The following PACRG variants were observed in gnomAD, a reference collection of about 807,000 sequenced individuals.
PACRG encodes the protein parkin coregulated.
PACRG carries 29 observed loss-of-function variants against 29.7 expected under a neutral mutation model. The ratio of observed to expected loss-of-function variants is 0.98; its 90% CI spans 0.73 to 1.33. The LOEUF (loss-of-function observed/expected upper bound fraction) is 1.33, where lower values mean the gene tolerates loss of function less well. Among genes scored for constraint, PACRG ranks in the 40% most tolerant of loss-of-function variants. PACRG has a pLI of 0.00. For synonymous variants in PACRG, 116 were observed against 118.7 expected, an observed-to-expected ratio of 0.98 and a Z score of 0.15; for missense variants, 279 against 316.2, an observed-to-expected ratio of 0.88 and a Z score of 0.89.
chr6:163,305,089 G>A (rs1338536522), intron 4 of PACRG, among the ~76,000 whole-genome samples: 1 of 152,234 alleles, frequency 6.6e-6, no homozygotes, highest in African/African-American at 2.4e-5. Context: ...CATCTTCCGA[G>A]CCCACACTCG....
chr6:163,284,296 A>G (rs911782844), intron 4 of PACRG, among the ~76,000 whole-genome samples: 2 of 152,196 alleles, frequency 1.3e-5, no homozygotes, highest in African/African-American at 4.8e-5. Context: ...GGGCCAGGCC[A>G]GCAGCTGCTG....
chr6:162,772,993 A>G (rs1415291708), intron 1 of PACRG, among the ~76,000 whole-genome samples: 5 of 151,518 alleles, frequency 3.3e-5, no homozygotes, highest in Non-Finnish European at 7.4e-5. Flanking sequence ...TATAGAGACT[A>G]TTGGTTTCTA....
chr6:163,183,795 C>T (rs1425737923), intron 4 of PACRG, among the ~76,000 whole-genome samples: 1 of 152,156 alleles, frequency 6.6e-6, no homozygotes, highest in Admixed American at 6.5e-5. Context: ...TAGGAAAACG[C>T]AGGCCAATGA....
intron 4 of PACRG, among the ~76,000 whole-genome samples, chr6:163,116,326 C>G (rs893886912): frequency 5.3e-5 from 8 of 152,158 alleles, no homozygotes; most frequent in Non-Finnish European, 7.3e-5. Context: ...CATACACTAT[C>G]GTGAGGACAG....
intron 4 of PACRG, among the ~76,000 whole-genome samples, chr6:163,195,558 C>G (rs933783246): frequency 1.3e-5 from 2 of 152,172 alleles, no homozygotes; most frequent in Admixed American, 6.5e-5. Flanking sequence ...AAATCGTTCC[C>G]CCGCTTCCCA....
intron 2 of PACRG, among the ~76,000 whole-genome samples, chr6:162,814,932 C>T (rs1370752790): frequency 6.6e-6 from 1 of 152,146 alleles, no homozygotes; most frequent in African/African-American, 2.4e-5. Context: ...TGGTTGTGTT[C>T]CTTTGTAAAA....
At chr6:163,177,070 G>C (rs894872986) in intron 4 of PACRG, among the ~76,000 whole-genome samples, 3 of 152,216 alleles carry the variant, frequency 2.0e-5, no homozygotes, top group African/African-American at 7.2e-5. Context: ...CAAAGAGCAA[G>C]AGGCAGAACT....
chr6:163,287,365 G>A (rs906797507), intron 4 of PACRG, among the ~76,000 whole-genome samples: 14 of 152,194 alleles, frequency 9.2e-5, no homozygotes, highest in Non-Finnish European at 4.4e-5. Flanking sequence ...TCACCAGGAA[G>A]AGCCAGTTTC....
At chr6:162,976,226 T>A (rs1255540957) in intron 2 of PACRG, among the ~76,000 whole-genome samples, 1 of 152,186 alleles carries the variant, frequency 6.6e-6, no homozygotes, top group Non-Finnish European at 1.5e-5. Flanking sequence ...AAACTTAAAT[T>A]GTAAGTTTGA....
intron 2 of PACRG, among the ~76,000 whole-genome samples, chr6:163,017,137 A>C (rs1272662974): frequency 6.6e-6 from 1 of 152,144 alleles, no homozygotes; most frequent in Non-Finnish European, 1.5e-5. Flanking sequence ...ACTTGAATAA[A>C]CTGTAAAATA....
At chr6:163,149,623 C>G (rs1777989834) in intron 4 of PACRG, among the ~76,000 whole-genome samples, 1 of 152,100 alleles carries the variant, frequency 6.6e-6, no homozygotes, top group Non-Finnish European at 1.5e-5. Flanking sequence ...TCTCCTCCCT[C>G]CCCCGGGCTG....
chr6:163,039,123 G>A (rs1167832567), intron 2 of PACRG, among the ~76,000 whole-genome samples: 1 of 152,158 alleles, frequency 6.6e-6, no homozygotes, highest in African/African-American at 2.4e-5. Context: ...TAGAGAAGGA[G>A]TTCTCACGAG....
At chr6:162,748,557 A>G (rs749480486) in intron 1 of PACRG, among the ~76,000 whole-genome samples, 7 of 152,182 alleles carry the variant, frequency 4.6e-5, no homozygotes, top group Admixed American at 6.5e-5. Flanking sequence ...GAAAATCCAT[A>G]TCATCAATTT....
chr6:163,273,481 T>G (rs1013813315), intron 4 of PACRG, among the ~76,000 whole-genome samples: 1 of 152,220 alleles, frequency 6.6e-6, no homozygotes, highest in African/African-American at 2.4e-5. Flanking sequence ...AATAGCTTTT[T>G]GATAACCTTC....
intron 4 of PACRG, among the ~76,000 whole-genome samples, chr6:163,143,992 T>C (rs1230557353): frequency 6.6e-6 from 1 of 152,110 alleles, no homozygotes; most frequent in Admixed American, 6.5e-5. Context: ...CCTAGCACTT[T>C]GGGAGGCCGA....
chr6:163,005,001 T>G (rs112102027), intron 2 of PACRG, among the ~76,000 whole-genome samples: 1,969 of 152,070 alleles, frequency 0.013, 40 homozygotes, highest in African/African-American at 0.044. Context: ...TATAGGGATA[T>G]TCAGGTCATC....
At chr6:163,029,748 A>G (rs1807481511) in intron 2 of PACRG, among the ~76,000 whole-genome samples, 1 of 152,190 alleles carries the variant, frequency 6.6e-6, no homozygotes, top group South Asian at 2.1e-4. Context: ...GACCCTCTGC[A>G]GACTACATGG....
chr6:163,228,835 T>C (rs1781911335), intron 4 of PACRG, among the ~76,000 whole-genome samples: 1 of 152,148 alleles, frequency 6.6e-6, no homozygotes, highest in South Asian at 2.1e-4. Flanking sequence ...GTTATATATG[T>C]TTTTCCATTC....
intron 4 of PACRG, among the ~76,000 whole-genome samples, chr6:163,267,238 G>A (rs1783563936): frequency 6.6e-6 from 1 of 152,112 alleles, no homozygotes; most frequent in Non-Finnish European, 1.5e-5. Context: ...ATGAGCTCTG[G>A]GCTTCACTGT....
Sources: gnomAD v4.1 joint callset for allele counts (sites outside exome capture counted in the v4.1 genomes callset) on GRCh38, gnomAD v4.1.1 for gene constraint, MANE v1.5 for transcripts, NCBI Gene and HGNC (gene_info 2026-07-23, HGNC 2026-07-21) for gene names.